The following FAM178B variants were observed in gnomAD, a reference collection of about 807,000 sequenced individuals.
FAM178B encodes family with sequence similarity 178 member B.
Under a neutral mutation model 91.7 loss-of-function variants are expected in FAM178B, and 82 were observed. The observed-to-expected ratio is 0.89, with a 90% CI of 0.75 to 1.07. The LOEUF (loss-of-function observed/expected upper bound fraction) is 1.07, where lower values mean the gene tolerates loss of function less well. FAM178B is among the 50% of genes least tolerant of loss of function. The probability of loss-of-function intolerance (pLI) is 0.00; values close to 1 mark genes in which losing one functional copy is unlikely to be tolerated. For missense variants in FAM178B, 769 were observed against 846.7 expected (o/e 0.91, Z 1.14); for synonymous variants, 368 against 359.4 (o/e 1.02, Z -0.27).
intron 8 of FAM178B, among the ~76,000 whole-genome samples, chr2:96,941,046 T>C (rs2081720603): frequency 6.6e-6 from 1 of 152,196 alleles, no homozygotes; most frequent in African/African-American, 2.4e-5. Context: ...TTCAGATGGA[T>C]ACTAATGTGG....
intron 1 of FAM178B, among the ~76,000 whole-genome samples, chr2:96,975,171 T>C (rs2082274135): frequency 1.3e-5 from 2 of 151,320 alleles, no homozygotes; most frequent in Non-Finnish European, 2.9e-5. Context: ...ACAAAAAACT[T>C]CTGTCAGATG....
chr2:96,885,079 T>A (rs571086894), intron 14 of FAM178B, among the ~76,000 whole-genome samples: 4 of 152,320 alleles, frequency 2.6e-5, no homozygotes, highest in Admixed American at 1.3e-4. Context: ...TCTGTCAAAG[T>A]GCCTGCTAGG....
chr2:96,878,338 C>A, intron 15 of FAM178B, 78 bp downstream of exon 15: 2 of 1,414,326 alleles, frequency 1.4e-6, no homozygotes, highest in Non-Finnish European at 9.9e-7. Flanking sequence ...TGGGCGCCAT[C>A]CCAGCCAACC....
chr2:96,961,467 A>AGGGGAGAGGAAAAGAGGGC (rs1159438207), intron 5 of FAM178B, among the ~76,000 whole-genome samples: 1 of 152,170 alleles, frequency 6.6e-6, no homozygotes, highest in Admixed American at 6.5e-5. Flanking sequence ...AATCAGAGGG[A>AGGGGAGAGGAAAAGAGGGC]GGGGAGAGGA....
intron 14 of FAM178B, among the ~76,000 whole-genome samples, chr2:96,883,458 A>G (rs2080439475): frequency 6.6e-6 from 1 of 152,170 alleles, no homozygotes; most frequent in African/African-American, 2.4e-5. Flanking sequence ...CTCCCCCATC[A>G]GGTCATGACC....
intron 14 of FAM178B, among the ~76,000 whole-genome samples, chr2:96,880,306 A>T (rs541715427): frequency 6.6e-6 from 1 of 152,206 alleles, no homozygotes; most frequent in South Asian, 2.1e-4. Context: ...TTCCAGAAAC[A>T]GAAGCCACAG....
chr2:96,911,504 T>C (rs6734673), intron 12 of FAM178B, among the ~76,000 whole-genome samples: 18,146 of 152,236 alleles, frequency 0.12, 1,193 homozygotes, highest in Middle Eastern at 0.23. Context: ...GGGGCACCAA[T>C]GCCCTCCAAC....
At chr2:96,893,541 C>T (rs527434776) in intron 14 of FAM178B, among the ~76,000 whole-genome samples, 5 of 152,188 alleles carry the variant, frequency 3.3e-5, no homozygotes, top group African/African-American at 7.2e-5. Flanking sequence ...ATGCCCTGCA[C>T]GTCGAGACAA....
At chr2:96,917,793 C>T (rs1461769899) in intron 12 of FAM178B, among the ~76,000 whole-genome samples, 1 of 152,130 alleles carries the variant, frequency 6.6e-6, no homozygotes, top group African/African-American at 2.4e-5. Context: ...GAGGTCGAGG[C>T]TGCAGTGAGC....
chr2:96,885,240 T>C (rs2080486986), intron 14 of FAM178B, among the ~76,000 whole-genome samples: 6 of 152,354 alleles, frequency 3.9e-5, no homozygotes, highest in African/African-American at 2.4e-5. Context: ...AAGTTTGCTT[T>C]TGGGCCCTGC....
rs1355686925 is a variant in FAM178B, at chr2:96,905,830, A to G, written c.1563-3123T>C. ...TACATATATGTGTGTATATATATAT[A>G]TATATATATATATATATATATATAT... On this transcript the variant is annotated intron_variant, in intron 12 of 16. Coordinates refer to ENST00000490605, the MANE Select transcript of FAM178B (RefSeq NM_001122646.3). Among the ~76,000 whole-genome samples the G allele has an allele frequency of 1.0e-2, 203 of 20,394 alleles. 5 individuals carry two copies. Among genetic ancestry groups the G allele is most frequent in the African/African-American group, 0.024 (144 of 5,912 alleles). The allele number at this position is 20,394 out of a possible 152,430, so 13.4% of individuals were successfully genotyped here.
intron 9 of FAM178B, among the ~76,000 whole-genome samples, chr2:96,924,173 G>A (rs1333581097): frequency 6.6e-6 from 1 of 152,196 alleles, no homozygotes; most frequent in Non-Finnish European, 1.5e-5. Context: ...TCGAGCTTTA[G>A]TTTTCCAGGA....
At chr2:96,916,270 A>G (rs1309719035) in intron 12 of FAM178B, among the ~76,000 whole-genome samples, 3 of 152,178 alleles carry the variant, frequency 2.0e-5, no homozygotes, top group African/African-American at 4.8e-5. Context: ...CTGTTTCCTC[A>G]CATCCTGCCA....
chr2:96,943,377 G>A (rs958244030), intron 8 of FAM178B, among the ~76,000 whole-genome samples: 10 of 152,050 alleles, frequency 6.6e-5, no homozygotes, highest in East Asian at 1.9e-4. Context: ...TGAAATTTTC[G>A]TATCCATTTT....
chr2:96,922,073 G>A (rs1329728480), intron 10 of FAM178B, among the ~76,000 whole-genome samples: 1 of 152,074 alleles, frequency 6.6e-6, no homozygotes, highest in African/African-American at 2.4e-5. Flanking sequence ...GTGATCTCTG[G>A]TCGGCCTCAC....
At chr2:96,916,042 C>G (rs1176641357) in intron 12 of FAM178B, among the ~76,000 whole-genome samples, 1 of 152,190 alleles carries the variant, frequency 6.6e-6, no homozygotes, top group Non-Finnish European at 1.5e-5. Context: ...ACGGGCAGAA[C>G]TGAATCGATG....
intron 8 of FAM178B, among the ~76,000 whole-genome samples, chr2:96,939,377 T>C (rs1233877568): frequency 6.6e-6 from 1 of 151,310 alleles, no homozygotes; most frequent in African/African-American, 2.4e-5. Context: ...GCGCCTGTAA[T>C]CCCAGCTACT....
chr2:96,930,787 G>A (rs1207928116), intron 8 of FAM178B, among the ~76,000 whole-genome samples: 4 of 152,158 alleles, frequency 2.6e-5, no homozygotes, highest in South Asian at 2.1e-4. Context: ...GCCTTTGGGA[G>A]GAAAATTAGG....
intron 14 of FAM178B, among the ~76,000 whole-genome samples, chr2:96,881,793 T>C (rs1411865689): frequency 6.6e-6 from 1 of 151,010 alleles, no homozygotes; most frequent in African/African-American, 2.4e-5. Context: ...TTTGGGTGGA[T>C]AGTGAGTAGG....
Sources: gnomAD v4.1 joint callset for allele counts (sites outside exome capture counted in the v4.1 genomes callset) on GRCh38, gnomAD v4.1.1 for gene constraint, MANE v1.5 for transcripts, NCBI Gene and HGNC (gene_info 2026-07-23, HGNC 2026-07-21) for gene names.